The following LRRIQ3 variants were observed in gnomAD, a reference collection of about 807,000 sequenced individuals.
The protein encoded by LRRIQ3 is leucine rich repeats and IQ motif containing 3.
LRRIQ3 carries 75 observed loss-of-function variants against 59.3 expected under a neutral mutation model. The ratio of observed to expected loss-of-function variants is 1.26; its 90% CI spans 1.05 to 1.53. The LOEUF (loss-of-function observed/expected upper bound fraction) is 1.53, where lower values mean the gene tolerates loss of function less well. Ranked by LOEUF, LRRIQ3 falls within the 40% of genes most tolerant of loss-of-function variation. The pLI is 0.00. For missense variants in LRRIQ3, 831 were observed against 710.0 expected (o/e 1.17, Z -1.94); for synonymous variants, 250 against 231.3 (o/e 1.08, Z -0.73).
At position 74,063,244 on chromosome 1, in the gene LRRIQ3, T is replaced by C. The variant is rs1417593285; in HGVS notation, c.997+11417A>G. Among the ~76,000 whole-genome samples, 4 of 152,104 alleles carry C rather than the reference T, an allele frequency of 2.6e-5. No individual in the cohort carries two copies. In the South Asian group the frequency reaches 8.3e-4, roughly 31 times the overall value. On this transcript the variant is annotated intron_variant, in intron 6 of 7. Coordinates refer to ENST00000354431, the MANE Select transcript of LRRIQ3 (RefSeq NM_001105659.2). ...TATCATTTCTAATGTAATCTCATAA[T>C]GAATAAAGAAAATGTTTTGTATCAT...
chr1:74,089,466 T>C (rs1164258984), intron 5 of LRRIQ3, among the ~76,000 whole-genome samples: 1 of 151,970 alleles, frequency 6.6e-6, no homozygotes, highest in Non-Finnish European at 1.5e-5. Flanking sequence ...TATTGAGCCA[T>C]AAAAAATAAA....
At chr1:74,042,244 T>C (rs775452946) in intron 6 of LRRIQ3, among the ~76,000 whole-genome samples, 1 of 152,062 alleles carries the variant, frequency 6.6e-6, no homozygotes, top group Non-Finnish European at 1.5e-5. Flanking sequence ...ACCACACATA[T>C]TATTTTTTCA....
At chr1:74,077,744 A>C (rs962466146) in intron 5 of LRRIQ3, among the ~76,000 whole-genome samples, 1 of 152,004 alleles carries the variant, frequency 6.6e-6, no homozygotes, top group African/African-American at 2.4e-5. Context: ...ATGAACAAAA[A>C]GTTTAAAGCT....
chr1:74,148,437 C>G (rs1557640303), intron 4 of LRRIQ3, among the ~76,000 whole-genome samples: 1 of 152,140 alleles, frequency 6.6e-6, no homozygotes, highest in Non-Finnish European at 1.5e-5. Flanking sequence ...CCAGTTGTGG[C>G]AGTGGTGGGC....
chr1:74,036,431 A>C (rs754922913), intron 7 of LRRIQ3, among the ~76,000 whole-genome samples: 3 of 152,142 alleles, frequency 2.0e-5, no homozygotes, highest in African/African-American at 7.2e-5. Context: ...TCTATTCTTC[A>C]TCAAATCTAA....
intron 1 of LRRIQ3, among the ~76,000 whole-genome samples, chr1:74,189,708 T>C (rs1283988714): frequency 1.3e-5 from 2 of 152,076 alleles, no homozygotes; most frequent in African/African-American, 2.4e-5. Flanking sequence ...TGAGAGCTGA[T>C]GGTTTTATAA....
intron 4 of LRRIQ3, among the ~76,000 whole-genome samples, chr1:74,109,894 T>C (rs563137317): frequency 3.3e-5 from 5 of 151,814 alleles, no homozygotes; most frequent in African/African-American, 1.2e-4. Flanking sequence ...TTATTTTTTT[T>C]CCAAACCTAG....
chr1:74,108,778 G>A, intron 5 of LRRIQ3: 1 of 197,614 alleles, frequency 5.1e-6, no homozygotes, highest in South Asian at 6.9e-5. Context: ...TCTAGAGTCA[G>A]AAGACCTGGA....
rs531899843 is a variant in LRRIQ3, at chr1:74,132,776, G to T, written c.707+22957C>A. On this transcript the variant is annotated intron_variant, in intron 4 of 7. Transcript: ENST00000354431. ...CATAAAAACCCTAGAAGAAAACCTA[G>T]GCAATACCATTCAGGACATAGACAT... Among the ~76,000 whole-genome samples, 18 of 152,204 alleles carry T rather than the reference G, an allele frequency of 1.2e-4. No individual in the cohort carries two copies. In the East Asian group the frequency reaches 3.1e-3, roughly 26 times the overall value.
chr1:74,113,814 T>C (rs1339805844), intron 4 of LRRIQ3, among the ~76,000 whole-genome samples: 1 of 151,998 alleles, frequency 6.6e-6, no homozygotes, highest in Non-Finnish European at 1.5e-5. Context: ...TCAAGAGACC[T>C]CCATGCTTTT....
rs536047798 is a variant in LRRIQ3, at chr1:74,048,340, T to C, written c.998-6407A>G. On this transcript the variant is annotated intron_variant, in intron 6 of 7. Transcript: ENST00000354431. ...GATCCTAGCATGTCAATAATTCTTC[T>C]AATTTGGAGAGGGGAGTATAATGTT... Among the ~76,000 whole-genome samples, 6 of 152,196 alleles carry C rather than the reference T, an allele frequency of 3.9e-5. No individual in the cohort carries two copies. In the South Asian group the frequency reaches 1.2e-3, roughly 31 times the overall value.
intron 3 of LRRIQ3, among the ~76,000 whole-genome samples, chr1:74,173,788 T>C (rs1490397456): frequency 6.6e-6 from 1 of 152,152 alleles, no homozygotes; most frequent in Non-Finnish European, 1.5e-5. Context: ...GCACTTCTTG[T>C]AAGGTAGGCC....
intron 3 of LRRIQ3, chr1:74,180,454 T>C (rs1348022057): frequency 2.7e-6 from 1 of 368,534 alleles, no homozygotes; most frequent in Non-Finnish European, 4.9e-6. Flanking sequence ...CAATGTCTAG[T>C]TATTATTTCT....
At chr1:74,079,741 G>A (rs1646252420) in intron 5 of LRRIQ3, among the ~76,000 whole-genome samples, 2 of 151,866 alleles carry the variant, frequency 1.3e-5, no homozygotes, top group Middle Eastern at 3.4e-3. Flanking sequence ...AAGAGAAATA[G>A]CAGAAGGAAT....
rs554192856 is a variant in LRRIQ3 at position 74,050,079 on chromosome 1, A to G, written c.998-8146T>C. Among the ~76,000 whole-genome samples the G allele has an allele frequency of 8.6e-5, 13 of 151,844 alleles. No individual in the cohort carries two copies. In the East Asian group the frequency reaches 2.5e-3, roughly 30 times the overall value. ...GCTGGGATTACAGGCACACACCACCATACCTGGCTAATTTTTGTATTTTTA... is the reference window on the plus strand; with the variant it reads ...GCTGGGATTACAGGCACACACCACCGTACCTGGCTAATTTTTGTATTTTTA... On this transcript the variant is annotated intron_variant, in intron 6 of 7. Transcript: ENST00000354431.
chr1:74,175,615 A>G (rs1236353489), intron 3 of LRRIQ3, among the ~76,000 whole-genome samples: 2 of 152,004 alleles, frequency 1.3e-5, no homozygotes, highest in Non-Finnish European at 2.9e-5. Context: ...CAGATTTTGC[A>G]CTCTACTGGG....
At chr1:74,172,263 A>G (rs931024588) in intron 3 of LRRIQ3, among the ~76,000 whole-genome samples, 5 of 151,992 alleles carry the variant, frequency 3.3e-5, no homozygotes, top group African/African-American at 9.7e-5. Flanking sequence ...ACTTTATCCT[A>G]TAAGTTTTGG....
At chr1:74,125,294 T>A (rs1646918826) in intron 4 of LRRIQ3, among the ~76,000 whole-genome samples, 1 of 151,984 alleles carries the variant, frequency 6.6e-6, no homozygotes, top group Admixed American at 6.6e-5. Flanking sequence ...GATTATACCA[T>A]CTGCAAACAA....
intron 7 of LRRIQ3, among the ~76,000 whole-genome samples, chr1:74,031,018 T>C (rs541596029): frequency 1.3e-5 from 2 of 152,276 alleles, no homozygotes; most frequent in East Asian, 3.9e-4. Context: ...ATAATGCTCA[T>C]CATCACTGTC....
Sources: allele counts gnomAD v4.1 joint callset (sites outside exome capture counted in the v4.1 genomes callset), GRCh38; gene constraint gnomAD v4.1.1; transcripts MANE v1.5; gene names NCBI Gene and HGNC (gene_info 2026-07-23, HGNC 2026-07-21).